The following RTL9 variants were observed in gnomAD, a reference collection of about 807,000 sequenced individuals.
RTL9 encodes the protein retrotransposon Gag-like protein 9.
RTL9 carries 19 observed loss-of-function variants against 44.7 expected under a neutral mutation model. The ratio of observed to expected loss-of-function variants is 0.42; its 90% confidence interval spans 0.30 to 0.62. RTL9 has a LOEUF of 0.62. Among genes scored for constraint, RTL9 ranks in the 20% least tolerant of loss-of-function variants. The probability of loss-of-function intolerance (pLI) is 0.16; values close to 1 mark genes in which losing one functional copy is unlikely to be tolerated. For synonymous variants in RTL9, 407 were observed against 398.9 expected, an observed-to-expected ratio of 1.02 and a Z score of -0.24; for missense variants, 1,105 against 1,080.6, an observed-to-expected ratio of 1.02 and a Z score of -0.32.
At chrX:110,383,902 ATAAGC>A (rs922878155) in intron 1 of RTL9, among the ~76,000 whole-genome samples, 2 of 112,063 alleles carry the variant, frequency 1.8e-5, no homozygotes, top group African/African-American at 3.2e-5. Context: ...TCTGCCACTT[ATAAGC>A]TATGTGATGT....
chrX:110,369,126 A>G (rs1412784951), intron 1 of RTL9, among the ~76,000 whole-genome samples: 1 of 111,756 alleles, frequency 8.9e-6, no homozygotes. Flanking sequence ...AAGTCAGGGA[A>G]TTGAGACCAT....
chrX:110,382,711 C>T (rs1447941895), intron 1 of RTL9, among the ~76,000 whole-genome samples: 1 of 111,552 alleles, frequency 9.0e-6, no homozygotes, highest in African/African-American at 3.3e-5. Flanking sequence ...CCTCTGCATT[C>T]AATTTGTCAC....
intron 1 of RTL9, among the ~76,000 whole-genome samples, chrX:110,391,637 C>T (rs1449322804): frequency 8.9e-6 from 1 of 111,999 alleles, no homozygotes; most frequent in East Asian, 2.8e-4. Context: ...CCACCACTTC[C>T]ACTTTAAACT....
At chrX:110,367,900 C>CT (rs1305966962) in intron 1 of RTL9, among the ~76,000 whole-genome samples, 17 of 109,707 alleles carry the variant, frequency 1.5e-4, no homozygotes, top group Non-Finnish European at 2.8e-4. Flanking sequence ...CTTCAGACTC[C>CT]TGGGCTCAAG....
intron 1 of RTL9, among the ~76,000 whole-genome samples, chrX:110,412,105 A>T (rs187106142): frequency 2.6e-3 from 293 of 112,746 alleles, no homozygotes; most frequent in African/African-American, 8.8e-3. Context: ...TTAAAACAAT[A>T]TTGAGATGAT....
intron 1 of RTL9, among the ~76,000 whole-genome samples, chrX:110,363,727 A>G (rs1418493239): frequency 9.0e-6 from 1 of 111,512 alleles, no homozygotes; most frequent in African/African-American, 3.3e-5. Flanking sequence ...AATAAACTAC[A>G]TGACTCCATC....
intron 1 of RTL9, among the ~76,000 whole-genome samples, chrX:110,413,761 T>C (rs1460038640): frequency 1.8e-5 from 2 of 110,808 alleles, no homozygotes; most frequent in Admixed American, 9.6e-5. Context: ...GCCCCCTCCA[T>C]CCATTTCTTC....
At chrX:110,423,322 C>T (rs1275489659) in intron 1 of RTL9, among the ~76,000 whole-genome samples, 61 of 99,361 alleles carry the variant, frequency 6.1e-4, no homozygotes, top group Non-Finnish European at 1.1e-3. Context: ...GAGTGAAACT[C>T]GGTCTCAAAA....
chrX:110,409,120 A>G (rs1443385298), intron 1 of RTL9, among the ~76,000 whole-genome samples: 1 of 111,658 alleles, frequency 9.0e-6, no homozygotes, highest in East Asian at 2.8e-4. Context: ...TGTGGATGCA[A>G]GCACACAGCT....
At chrX:110,424,604 C>A (rs2068741084) in intron 1 of RTL9, among the ~76,000 whole-genome samples, 1 of 112,219 alleles carries the variant, frequency 8.9e-6, no homozygotes, top group Admixed American at 9.4e-5. Flanking sequence ...ATGGCTCCTG[C>A]CCTGGAGTTG....
intron 1 of RTL9, among the ~76,000 whole-genome samples, chrX:110,359,936 T>C (rs769682529): frequency 1.8e-5 from 2 of 112,133 alleles, no homozygotes; most frequent in African/African-American, 6.5e-5. Context: ...AGCAGCACTT[T>C]CCAAACTCTG....
At chrX:110,455,580 C>T (rs192397061) in exon 2 of RTL9, 36 of 262,636 alleles carry the variant, frequency 1.4e-4, no homozygotes, top group African/African-American at 6.5e-4. Context: ...CCATCACCAC[C>T]GAGGCCAGTC....
At chrX:110,450,912 G>A in exon 1 of RTL9, 4 of 1,211,783 alleles carry the variant, frequency 3.3e-6, no homozygotes, top group Non-Finnish European at 4.5e-6. Flanking sequence ...AGACTCTGGG[G>A]CACTTTCCCC....
chrX:110,411,008 G>A (rs2068638439), intron 1 of RTL9, among the ~76,000 whole-genome samples: 1 of 112,335 alleles, frequency 8.9e-6, no homozygotes, highest in South Asian at 3.7e-4. Context: ...AGTCTTCTGT[G>A]TCCAAAGCTG....
intron 1 of RTL9, among the ~76,000 whole-genome samples, chrX:110,429,666 G>C (rs775101678): frequency 1.6e-4 from 18 of 109,521 alleles, no homozygotes; most frequent in Non-Finnish European, 2.8e-4. Flanking sequence ...ATTTTTAGTA[G>C]AGATGGGGTT....
exon 1 of RTL9, chrX:110,453,212 C>T: frequency 1.7e-6 from 2 of 1,211,371 alleles, no homozygotes; most frequent in Non-Finnish European, 2.2e-6. Flanking sequence ...TGATGAGAGC[C>T]CCAGACTCTA....
At chrX:110,446,959 G>A (rs747112143), upstream of RTL9, among the ~76,000 whole-genome samples, 5 of 110,657 alleles carry the variant, frequency 4.5e-5, no homozygotes, top group South Asian at 1.5e-3. Flanking sequence ...AACCTACCTC[G>A]TAGTATGTTG....
chrX:110,428,061 G>C (rs931343709), intron 1 of RTL9, among the ~76,000 whole-genome samples: 10 of 112,187 alleles, frequency 8.9e-5, no homozygotes, highest in African/African-American at 2.6e-4. Context: ...TTCTTCTCTG[G>C]TTAGTTGTCT....
chrX:110,379,254 T>G (rs912042666), intron 1 of RTL9, among the ~76,000 whole-genome samples: 1 of 112,379 alleles, frequency 8.9e-6, no homozygotes, highest in African/African-American at 3.2e-5. Context: ...GTAAATGGTT[T>G]GGTGAGATTC....
Sources: gnomAD v4.1 joint callset for allele counts (sites outside exome capture counted in the v4.1 genomes callset) on GRCh38, gnomAD v4.1.1 for gene constraint, MANE v1.5 for transcripts, NCBI Gene and HGNC (gene_info 2026-07-23, HGNC 2026-07-21) for gene names.